Variants in GPC6 observed in about 807,000 individuals in gnomAD.
GPC6 encodes glypican 6.
GPC6 carries 14 observed loss-of-function variants against 55.2 expected under a neutral mutation model. The ratio of observed to expected loss-of-function variants is 0.25; its 90% confidence interval spans 0.17 to 0.40. The LOEUF (loss-of-function observed/expected upper bound fraction) is 0.40, where lower values mean the gene tolerates loss of function less well. GPC6 is among the 10% of genes least tolerant of loss of function. GPC6 has a pLI of 1.00. For synonymous variants in GPC6, 278 were observed against 259.6 expected (o/e 1.07, Z -0.68); for missense variants, 641 against 708.5 (o/e 0.90, Z 1.08).
At position 93,315,635 on chromosome 13, in the gene GPC6, C is replaced by T. The variant is rs376020439; in HGVS notation, c.160+88019C>T. Among the ~76,000 whole-genome samples, 20 of 151,910 alleles carry T rather than the reference C, an allele frequency of 1.3e-4. No homozygotes were observed. The East Asian group carries it at 1.7e-3, about 13-fold the overall frequency. ...TTCTTTATATAATTTTACATTATTTCACTAAGACTAAAAGTGTACCTAAGA... is the reference window on the plus strand; with the variant it reads ...TTCTTTATATAATTTTACATTATTTTACTAAGACTAAAAGTGTACCTAAGA... On this transcript the variant is annotated intron_variant, in intron 1 of 8. Coordinates refer to ENST00000377047, the MANE Select transcript of GPC6 (RefSeq NM_005708.5).
intron 4 of GPC6, among the ~76,000 whole-genome samples, chr13:94,240,828 C>T (rs1277357421): frequency 6.6e-6 from 1 of 152,006 alleles, no homozygotes; most frequent in African/African-American, 2.4e-5. Context: ...GTCTTTTAGG[C>T]ACCTGCAGGA....
chr13:93,724,590 C>T (rs1385367036), intron 2 of GPC6, among the ~76,000 whole-genome samples: 1 of 151,972 alleles, frequency 6.6e-6, no homozygotes, highest in African/African-American at 2.4e-5. Context: ...TTTCTGTTAT[C>T]ACCAGACTTC....
chr13:94,250,238 G>T (rs1320032955), intron 4 of GPC6, among the ~76,000 whole-genome samples: 1 of 152,128 alleles, frequency 6.6e-6, no homozygotes, highest in Admixed American at 6.5e-5. Context: ...ACACAAGGCA[G>T]ATTCATAAAG....
At chr13:94,232,489 A>G (rs554844122) in intron 4 of GPC6, among the ~76,000 whole-genome samples, 76 of 152,278 alleles carry the variant, frequency 5.0e-4, no homozygotes, top group Non-Finnish European at 1.5e-5. Context: ...GAGGAAATCT[A>G]AATTTTTACC....
chr13:94,017,782 A>T (rs1392101748), intron 3 of GPC6, among the ~76,000 whole-genome samples: 1 of 151,944 alleles, frequency 6.6e-6, no homozygotes, highest in Non-Finnish European at 1.5e-5. Context: ...AAGTTCAAGC[A>T]ATTATCTGTC....
intron 3 of GPC6, among the ~76,000 whole-genome samples, chr13:93,988,584 T>C (rs1176610596): frequency 4.6e-5 from 7 of 152,138 alleles, no homozygotes; most frequent in Admixed American, 4.6e-4. Flanking sequence ...TCCATTTTAA[T>C]AGATGGGTTC....
At chr13:94,336,645 C>A (rs1327235738) in intron 6 of GPC6, among the ~76,000 whole-genome samples, 1 of 152,008 alleles carries the variant, frequency 6.6e-6, no homozygotes, top group Non-Finnish European at 1.5e-5. Flanking sequence ...AGTGACCTTC[C>A]GTGAAAGAGA....
intron 2 of GPC6, among the ~76,000 whole-genome samples, chr13:93,691,438 G>C (rs779064708): frequency 1.5e-4 from 22 of 149,386 alleles, no homozygotes; most frequent in Admixed American, 4.0e-4. Context: ...ATTTATGAAA[G>C]GAAAATTTGG....
chr13:93,556,810 T>G (rs187977710), intron 2 of GPC6, among the ~76,000 whole-genome samples: 1 of 152,286 alleles, frequency 6.6e-6, no homozygotes, highest in Admixed American at 6.5e-5. Flanking sequence ...ATGATGTTTG[T>G]CTTTCTGCGC....
At chr13:94,329,034 G>A (rs375225417) in intron 6 of GPC6, among the ~76,000 whole-genome samples, 1 of 152,310 alleles carries the variant, frequency 6.6e-6, no homozygotes, top group East Asian at 1.9e-4. Context: ...AACCCCGGGG[G>A]GGGCTGAAAT....
At chr13:93,962,607 T>C (rs1051378817) in intron 3 of GPC6, among the ~76,000 whole-genome samples, 10 of 152,148 alleles carry the variant, frequency 6.6e-5, no homozygotes, top group Admixed American at 5.9e-4. Flanking sequence ...GTGTTAGTTA[T>C]TCTTAAAGTT....
intron 4 of GPC6, among the ~76,000 whole-genome samples, chr13:94,186,472 T>G (rs1594036277): frequency 1.3e-5 from 2 of 152,300 alleles, no homozygotes; most frequent in East Asian, 1.9e-4. Context: ...GTACTTAATT[T>G]TTTTTCTAAA....
chr13:93,953,025 T>C (rs1036916872), intron 3 of GPC6, among the ~76,000 whole-genome samples: 5 of 151,884 alleles, frequency 3.3e-5, no homozygotes, highest in African/African-American at 9.7e-5. Context: ...TTTCTTAAGC[T>C]GCTTCTTGCT....
chr13:93,790,180 G>A (rs1885984113), intron 2 of GPC6, among the ~76,000 whole-genome samples: 1 of 152,078 alleles, frequency 6.6e-6, no homozygotes, highest in Admixed American at 6.6e-5. Context: ...CACAAATTAT[G>A]CCCAGTTAGA....
At chr13:93,427,383 G>T (rs923916430) in intron 1 of GPC6, among the ~76,000 whole-genome samples, 22 of 151,456 alleles carry the variant, frequency 1.5e-4, no homozygotes, top group Admixed American at 4.6e-4. Context: ...AAACAGCATG[G>T]TACTGGTACC....
intron 1 of GPC6, among the ~76,000 whole-genome samples, chr13:93,252,588 G>C (rs1384604526): frequency 1.3e-5 from 2 of 152,112 alleles, no homozygotes; most frequent in Non-Finnish European, 2.9e-5. Context: ...AGCTTGTATA[G>C]TGTTTGTCTC....
rs117853414 is a variant in GPC6, at chr13:93,862,385, C to T, written c.711+31840C>T. Among the ~76,000 whole-genome samples, 798 of 151,218 alleles carry T rather than the reference C, an allele frequency of 5.3e-3. 5 individuals are homozygous for T. The highest frequency in any genetic ancestry group is 0.017 in the Middle Eastern group (5 of 290). ...AGATATTGCCACTTCTCTACTGCTC[C>T]GTGAGTTCATATTTAGGGGGGTTAC... On this transcript the variant is annotated intron_variant, in intron 3 of 8. Transcript: ENST00000377047.
At chr13:94,143,949 A>T (rs1478967856) in intron 4 of GPC6, among the ~76,000 whole-genome samples, 1 of 152,212 alleles carries the variant, frequency 6.6e-6, no homozygotes, top group Non-Finnish European at 1.5e-5. Context: ...TCTGGACATC[A>T]GCGATTGTCA....
intron 1 of GPC6, among the ~76,000 whole-genome samples, chr13:93,530,579 G>T (rs760060290): frequency 6.6e-6 from 1 of 152,054 alleles, no homozygotes; most frequent in Non-Finnish European, 1.5e-5. Context: ...CCGAGGAGTG[G>T]CATGCTAGAA....
Sources: allele counts gnomAD v4.1 joint callset (sites outside exome capture counted in the v4.1 genomes callset), GRCh38; gene constraint gnomAD v4.1.1; transcripts MANE v1.5; gene names NCBI Gene and HGNC (gene_info 2026-07-23, HGNC 2026-07-21).